The following USPL1 variants were observed in gnomAD, a reference collection of about 807,000 sequenced individuals.
USPL1 encodes ubiquitin specific peptidase like 1.
In USPL1, 27 loss-of-function variants were observed where a neutral mutation model predicts 51.5. The ratio of observed to expected loss-of-function variants is 0.52; its 90% confidence interval spans 0.39 to 0.72. USPL1 has a LOEUF of 0.72. Ranked by LOEUF, USPL1 falls within the 30% of genes least tolerant of loss-of-function variation. USPL1 has a pLI of 0.00. For synonymous variants in USPL1, 451 were observed against 459.6 expected, an observed-to-expected ratio of 0.98 and a Z score of 0.24; for missense variants, 1,226 against 1,268.0, an observed-to-expected ratio of 0.97 and a Z score of 0.50.
intron 8 of USPL1, among the ~76,000 whole-genome samples, chr13:30,657,228 A>T (rs549478011): frequency 1.0e-3 from 154 of 152,362 alleles, no homozygotes; most frequent in Non-Finnish European, 1.6e-3. Context: ...TATATGTATG[A>T]AACATTCTGT....
chr13:30,649,932 G>C (rs1478057812), intron 7 of USPL1, among the ~76,000 whole-genome samples: 1 of 152,190 alleles, frequency 6.6e-6, no homozygotes, highest in Non-Finnish European at 1.5e-5. Context: ...CAGTGGTTGA[G>C]GGAGAACCTA....
intron 7 of USPL1, among the ~76,000 whole-genome samples, chr13:30,650,939 G>A (rs1401914640): frequency 1.3e-5 from 2 of 151,370 alleles, no homozygotes; most frequent in Non-Finnish European, 2.9e-5. Context: ...GCAGAGAGCT[G>A]AGATCGTGCC....
intron 2 of USPL1, 21 bp downstream of exon 2, chr13:30,621,260 C>A: frequency 6.5e-7 from 1 of 1,540,722 alleles, no homozygotes; most frequent in Non-Finnish European, 8.7e-7. Context: ...TTATTTTTTG[C>A]CTGAGTGCAA....
At chr13:30,642,598 G>T in intron 5 of USPL1, 30 bp from the exon 6 acceptor site, 1 of 1,592,922 alleles carries the variant, frequency 6.3e-7, no homozygotes, top group South Asian at 1.1e-5. Flanking sequence ...TATTGATTAT[G>T]AGCAGTAATT....
Position 30,658,936 on chromosome 13 carries a change from A to G in USPL1, c.2859A>G (p.Ala953=), listed in dbSNP as rs2137738161. ...CAATTGATATTGCCAGTGAGTCTGC[A>G]TGCACCACTGTTCCTGGTGTTTCCC... ...PYPIDIASES[A]CTTVPGVSLY... The change falls in exon 9 of 9, where the codon GCA becomes GCG. Residue 953 remains alanine (A), a synonymous_variant. Coordinates refer to ENST00000255304, the MANE Select transcript of USPL1 (RefSeq NM_005800.5). The G allele has an allele frequency of 6.2e-7, 1 of 1,614,238 alleles. No individual in the cohort carries two copies. The highest frequency in any genetic ancestry group is 8.5e-7 in the Non-Finnish European group (1 of 1,180,042).
chr13:30,652,167 T>C (rs1287911432), intron 7 of USPL1, among the ~76,000 whole-genome samples: 1 of 152,204 alleles, frequency 6.6e-6, no homozygotes. Context: ...AGTGAAATCT[T>C]AGATTTGATG....
At chr13:30,620,731 A>G (rs752787750) in intron 1 of USPL1, among the ~76,000 whole-genome samples, 11 of 152,188 alleles carry the variant, frequency 7.2e-5, no homozygotes, top group Admixed American at 1.3e-4. Flanking sequence ...TATTTGTTTC[A>G]AATTGTACAT....
intron 1 of USPL1, 111 bp from the exon 2 acceptor site, chr13:30,620,962 G>T: frequency 2.0e-6 from 1 of 510,922 alleles, no homozygotes; most frequent in Non-Finnish European, 3.4e-6. Context: ...TTTATTCTAG[G>T]ACATATAGCC....
chr13:30,621,875 T>C lies in USPL1; in HGVS notation c.211T>C (p.Leu71=), dbSNP rs1405684477. 1.9e-6 allele frequency: 3 copies of C among 1,557,296 alleles called. No individual in the cohort carries two copies. The highest frequency in any genetic ancestry group is 2.8e-5 in the African/African-American group (2 of 72,034). ...AATTAGTTTTCAAGAATCTATCTTT[T>C]TGTGTGAGGATCTGCAGGTAAAGTA... ...YRISFQESIF[L]CEDLQCIYPL... is the part of the protein sequence containing the mutation. Residue 71 remains leucine, a synonymous_variant, in exon 3 of 9, where the codon TTG becomes CTG. Coordinates refer to ENST00000255304, the MANE Select transcript of USPL1 (RefSeq NM_005800.5).
In USPL1 at chr13:30,658,709, G is replaced by A. The variant is rs1951208418; in HGVS notation, c.2632G>A (p.Glu878Lys). The A allele has an allele frequency of 6.2e-7, 1 of 1,614,090 alleles. No individual in the cohort carries two copies. The highest frequency in any genetic ancestry group is 1.3e-5 in the African/African-American group (1 of 74,928). Reference protein sequence around the residue: ...YGNGISSANHEDLVEGQIHKL... With the variant: ...YGNGISSANHKDLVEGQIHKL... ...GAATGGTATTTCTTCAGCAAACCAT[G>A]AAGACTTGGTGGAAGGTCAGATTCA... Residue 878 changes from glutamate (E) to lysine (K), a missense_variant, in exon 9 of 9, where the codon GAA becomes AAA. Glu to Lys is a moderately conservative substitution (Grantham distance 56). Coordinates refer to ENST00000255304, the MANE Select transcript of USPL1 (RefSeq NM_005800.5).
At position 30,631,251 on chromosome 13, in the gene USPL1, G is replaced by A; in HGVS notation, c.645G>A (p.Glu215=). The change falls in exon 4 of 9, where the codon GAG becomes GAA. Residue 215 remains glutamate, a synonymous_variant. Coordinates refer to ENST00000255304, the MANE Select transcript of USPL1 (RefSeq NM_005800.5). ...GCTSKLEMPL[E]SKCTSFPQAL... Reference sequence around the variant, plus strand: ...CATCTAAACTGGAAATGCCACTGGAGAGCAAATGTACATCATTTCCCCAGG... The same window carrying A: ...CATCTAAACTGGAAATGCCACTGGAAAGCAAATGTACATCATTTCCCCAGG... The A allele has an allele frequency of 6.2e-7, 1 of 1,614,174 alleles. No individual in the cohort carries two copies. Among genetic ancestry groups the A allele is most frequent in the Non-Finnish European group, 8.5e-7 (1 of 1,180,034 alleles).
At chr13:30,639,860 C>T (rs1033449918) in intron 5 of USPL1, among the ~76,000 whole-genome samples, 3 of 152,160 alleles carry the variant, frequency 2.0e-5, no homozygotes, top group Non-Finnish European at 2.9e-5. Context: ...ATGGTTTCTC[C>T]CCCAGCCTGA....
At chr13:30,652,197 A>C (rs1179745872) in intron 7 of USPL1, among the ~76,000 whole-genome samples, 1 of 152,204 alleles carries the variant, frequency 6.6e-6, no homozygotes, top group Middle Eastern at 3.2e-3. Flanking sequence ...TGATTTTTTA[A>C]AGTGGGAAAG....
At chr13:30,637,892 C>A (rs1305023289) in intron 5 of USPL1, 35 bp downstream of exon 5, 60 of 1,410,290 alleles carry the variant, frequency 4.3e-5, no homozygotes, top group Non-Finnish European at 5.7e-5. Flanking sequence ...GTATTATACT[C>A]ATCTACCATA....
chr13:30,659,599 A>G lies in USPL1; in HGVS notation c.*243A>G, dbSNP rs1240433765. On this transcript the variant is annotated 3_prime_UTR_variant, in exon 9 of 9. Transcript: ENST00000255304. ...CTTGTGAGAGTATGAGGATTTCAAAATGTTAAAGATGAAAAGTGGCGTCTA... is the reference window on the plus strand; with the variant it reads ...CTTGTGAGAGTATGAGGATTTCAAAGTGTTAAAGATGAAAAGTGGCGTCTA... The G allele has an allele frequency of 2.7e-6, 1 of 373,678 alleles. No individual in the cohort carries two copies. The highest frequency in any genetic ancestry group is 4.7e-6 in the Non-Finnish European group (1 of 212,964). 23.1% of individuals were successfully genotyped at this position (373,678 alleles called of 1,614,324 possible).
chr13:30,650,623 G>T (rs75814068), intron 7 of USPL1, among the ~76,000 whole-genome samples: 1 of 151,226 alleles, frequency 6.6e-6, no homozygotes, highest in Non-Finnish European at 1.5e-5. Flanking sequence ...ACTGTGTTCT[G>T]TCAATGTTAA....
chr13:30,639,073 G>A (rs537989806), intron 5 of USPL1, among the ~76,000 whole-genome samples: 2 of 151,576 alleles, frequency 1.3e-5, no homozygotes, highest in African/African-American at 2.4e-5. Flanking sequence ...AAAATTAGCC[G>A]GGCGTGGTAG....
intron 3 of USPL1, among the ~76,000 whole-genome samples, chr13:30,625,446 T>G (rs1566046680): frequency 1.5e-5 from 2 of 132,232 alleles, no homozygotes; most frequent in South Asian, 2.3e-4. Context: ...TGTTTTTTGT[T>G]TTTTTTTTTT....
intron 6 of USPL1, among the ~76,000 whole-genome samples, chr13:30,646,504 C>T (rs1335266898): frequency 6.6e-6 from 1 of 152,134 alleles, no homozygotes; most frequent in Non-Finnish European, 1.5e-5. Context: ...ATTTGACAAC[C>T]TTAGAACAGT....
Sources: allele counts gnomAD v4.1 joint callset (sites outside exome capture counted in the v4.1 genomes callset), GRCh38; gene constraint gnomAD v4.1.1; transcripts MANE v1.5; gene names NCBI Gene and HGNC (gene_info 2026-07-23, HGNC 2026-07-21).